The following MAD1L1 variants were observed in gnomAD, a reference collection of about 807,000 sequenced individuals.
MAD1L1 encodes the protein mitotic arrest deficient 1 like 1.
MAD1L1 carries 95 observed loss-of-function variants against 96.9 expected under a neutral mutation model. That is an observed-to-expected ratio of 0.98 (90% CI 0.83 to 1.16). MAD1L1 has a LOEUF of 1.16. MAD1L1 is among the 50% of genes most tolerant of loss of function. The probability of loss-of-function intolerance (pLI) is 0.00; values close to 1 mark genes in which losing one functional copy is unlikely to be tolerated. For synonymous variants in MAD1L1, 473 were observed against 396.6 expected, an observed-to-expected ratio of 1.19 and a Z score of -2.29; for missense variants, 1,007 against 954.4, an observed-to-expected ratio of 1.06 and a Z score of -0.73.
chr7:2,222,218 T>G (rs939326069), intron 5 of MAD1L1, among the ~76,000 whole-genome samples: 21 of 151,984 alleles, frequency 1.4e-4, no homozygotes, highest in Admixed American at 1.1e-3. Flanking sequence ...AGGCTGGGAC[T>G]ACAGGTGCGC....
At chr7:1,909,095 G>A (rs940094196) in intron 17 of MAD1L1, among the ~76,000 whole-genome samples, 2 of 152,250 alleles carry the variant, frequency 1.3e-5, no homozygotes, top group African/African-American at 4.8e-5. Context: ...ACTCGGAGCA[G>A]CGGGACCAGC....
At chr7:2,205,345 G>A (rs1792544983) in intron 10 of MAD1L1, among the ~76,000 whole-genome samples, 2 of 151,984 alleles carry the variant, frequency 1.3e-5, no homozygotes, top group Non-Finnish European at 2.9e-5. Flanking sequence ...TGTCAGATTC[G>A]GAACTTCCCT....
intron 12 of MAD1L1, among the ~76,000 whole-genome samples, chr7:2,019,185 C>T (rs1314330089): frequency 6.6e-6 from 1 of 152,162 alleles, no homozygotes; most frequent in African/African-American, 2.4e-5. Flanking sequence ...CCCAGACCCC[C>T]AGTCACCAGC....
intron 11 of MAD1L1, among the ~76,000 whole-genome samples, chr7:2,100,563 G>T (rs534052763): frequency 6.6e-6 from 1 of 152,346 alleles, no homozygotes; most frequent in South Asian, 2.1e-4. Context: ...ACCATCTGCA[G>T]GCCTCCTGAC....
At chr7:1,989,546 T>C (rs1781309977) in intron 14 of MAD1L1, among the ~76,000 whole-genome samples, 1 of 152,246 alleles carries the variant, frequency 6.6e-6, no homozygotes, top group African/African-American at 2.4e-5. Flanking sequence ...CACAGCAGCA[T>C]GTGCGCTGCC....
At chr7:2,036,601 C>T (rs1458656019) in intron 12 of MAD1L1, among the ~76,000 whole-genome samples, 3 of 152,176 alleles carry the variant, frequency 2.0e-5, no homozygotes, top group African/African-American at 7.2e-5. Context: ...TCCCCAAGCT[C>T]CAGGCAGTGG....
intron 18 of MAD1L1, among the ~76,000 whole-genome samples, chr7:1,882,262 C>T (rs992415670): frequency 3.9e-5 from 6 of 152,204 alleles, no homozygotes; most frequent in Admixed American, 3.3e-4. Flanking sequence ...GATGTTAGCA[C>T]ACGCGAACAT....
At chr7:1,973,504 C>G (rs1485081926) in intron 15 of MAD1L1, among the ~76,000 whole-genome samples, 1 of 152,106 alleles carries the variant, frequency 6.6e-6, no homozygotes, top group Non-Finnish European at 1.5e-5. Flanking sequence ...AGCTGGGCCC[C>G]TACAGTGGGG....
chr7:1,910,785 C>T (rs1583752133), intron 17 of MAD1L1, among the ~76,000 whole-genome samples: 2 of 152,096 alleles, frequency 1.3e-5, no homozygotes, highest in African/African-American at 4.8e-5. Context: ...CCATCCCAGC[C>T]GGGCCCCGCC....
rs144406649 is a variant in MAD1L1 at position 2,042,712 on chromosome 7, G to A, written c.1218+26482C>T. The stretch of plus-strand genomic sequence containing the variant: ...CTTGCTCCTGCTCTTGCCATGTGAC[G>A]TGCCTGCTCCTTGCCTTCTGCCATG... On this transcript the variant is annotated intron_variant, in intron 12 of 18. Transcript: ENST00000265854. Among the ~76,000 whole-genome samples the A allele has an allele frequency of 2.6e-4, 40 of 152,288 alleles. No homozygotes were observed. The Middle Eastern group carries it at 0.014, about 52-fold the overall frequency.
In MAD1L1 at chr7:2,180,167, G is replaced by A. The variant is rs73287696; in HGVS notation, c.987-30929C>T. Among the ~76,000 whole-genome samples, 4 of 152,088 alleles carry A rather than the reference G, an allele frequency of 2.6e-5. No homozygotes were observed. The South Asian group carries it at 8.3e-4, about 32-fold the overall frequency. The stretch of plus-strand genomic sequence containing the variant: ...AAAGCTAAGAAATGAGCTGTCCATG[G>A]GGACTGAGATTCTAAGGGGCCATGT... On this transcript the variant is annotated intron_variant, in intron 10 of 18. Transcript: ENST00000265854.
intron 12 of MAD1L1, among the ~76,000 whole-genome samples, chr7:2,066,726 A>G (rs530601528): frequency 6.6e-6 from 1 of 152,298 alleles, no homozygotes; most frequent in East Asian, 1.9e-4. Flanking sequence ...ACAGGGATGA[A>G]AACCACACCA....
chr7:1,927,657 G>T (rs922018246), intron 17 of MAD1L1, among the ~76,000 whole-genome samples: 12 of 152,160 alleles, frequency 7.9e-5, no homozygotes, highest in Admixed American at 7.9e-4. Flanking sequence ...AAAGTAGCTT[G>T]AACTCAAGCT....
At chr7:2,227,057 GC>G (rs1046920574) in intron 3 of MAD1L1, among the ~76,000 whole-genome samples, 8 of 151,640 alleles carry the variant, frequency 5.3e-5, no homozygotes, top group Non-Finnish European at 1.2e-4. Context: ...AGTTCGGGGG[GC>G]CAAGGTGGGT....
chr7:1,941,065 G>A (rs1490921076), intron 16 of MAD1L1, among the ~76,000 whole-genome samples: 1 of 59,654 alleles, frequency 1.7e-5, no homozygotes, highest in Admixed American at 1.4e-4. Context: ...GTGGGAGGAG[G>A]TAGTGACCAT....
chr7:1,963,593 G>A (rs1484459927), intron 15 of MAD1L1, among the ~76,000 whole-genome samples: 1 of 152,228 alleles, frequency 6.6e-6, no homozygotes, highest in Non-Finnish European at 1.5e-5. Context: ...CAGGAAAGCT[G>A]TAAAAACCAT....
intron 5 of MAD1L1, among the ~76,000 whole-genome samples, chr7:2,221,462 C>G (rs1793603578): frequency 6.6e-6 from 1 of 152,082 alleles, no homozygotes; most frequent in Non-Finnish European, 1.5e-5. Context: ...CGGCCAGTTT[C>G]TGGACCCCTC....
intron 12 of MAD1L1, among the ~76,000 whole-genome samples, chr7:2,064,816 G>A (rs1015125329): frequency 8.5e-5 from 6 of 70,480 alleles, no homozygotes; most frequent in African/African-American, 1.8e-4. Context: ...CCAGGACAGC[G>A]GCTTCTCCCA....
chr7:2,200,741 C>T (rs1045447592), intron 10 of MAD1L1, among the ~76,000 whole-genome samples: 10 of 152,214 alleles, frequency 6.6e-5, no homozygotes, highest in African/African-American at 2.2e-4. Flanking sequence ...CCACGAGGAC[C>T]GCCTGCTTCA....
Sources: gnomAD v4.1 joint callset for allele counts (sites outside exome capture counted in the v4.1 genomes callset) on GRCh38, gnomAD v4.1.1 for gene constraint, MANE v1.5 for transcripts, NCBI Gene and HGNC (gene_info 2026-07-23, HGNC 2026-07-21) for gene names.